The following CLCC1 variants were observed in gnomAD, a reference collection of about 807,000 sequenced individuals.
CLCC1 encodes chloride channel CLIC like 1.
A neutral mutation model predicts 63.3 loss-of-function variants in CLCC1; 39 were observed. The observed-to-expected ratio is 0.62, with a 90% confidence interval of 0.48 to 0.81. CLCC1 has a LOEUF of 0.81. Among genes scored for constraint, CLCC1 ranks in the 30% least tolerant of loss-of-function variants. The pLI is 0.00. For missense variants in CLCC1, 549 were observed against 669.4 expected, an observed-to-expected ratio of 0.82 and a Z score of 1.98; for synonymous variants, 217 against 239.8, an observed-to-expected ratio of 0.90 and a Z score of 0.88.
intron 4 of CLCC1, among the ~76,000 whole-genome samples, chr1:108,948,535 G>A (rs565133110): frequency 6.6e-6 from 1 of 152,094 alleles, no homozygotes; most frequent in East Asian, 1.9e-4. Flanking sequence ...GCAGCACACA[G>A]ACTTAAGAAG....
chr1:108,947,644 A>G lies in CLCC1; in HGVS notation c.306T>C (p.Asn102=), dbSNP rs769306026. Residue 102 remains asparagine (N), a synonymous_variant, in exon 5 of 13, where the codon AAT becomes AAC. Coordinates refer to ENST00000369969, the MANE Select transcript of CLCC1 (RefSeq NM_001377458.1). ...QSNPVFRRYL[N]KILIEAGKLG... ...GCTTTCCAGCTTCAATTAAAATCTT[A>G]TTTAAGTATCTCCTAAAAACAGGAT... The G allele has an allele frequency of 3.1e-6, 5 of 1,611,862 alleles. No homozygotes were observed. The Admixed American group carries it at 8.4e-5, about 27-fold the overall frequency.
At position 108,934,840 on chromosome 1, in the gene CLCC1, G is replaced by T; in HGVS notation, c.1486C>A (p.Pro496Thr). The change falls in exon 12 of 13, where the codon CCT becomes ACT. Residue 496 changes from proline (P) to threonine (T), a missense_variant. Pro to Thr is a conservative substitution (Grantham distance 38). Transcript: ENST00000369969. ...SSTESSQSAK[P>T]VSGQDTSGNT... ...CCTGATGTGTCTTGGCCAGAGACAG[G>T]CTTGGCCGACTGGCTGCTTTCAGTA... 6.2e-7 allele frequency: 1 copy of T among 1,614,214 alleles called. No homozygotes were observed. Among genetic ancestry groups the T allele is most frequent in the Non-Finnish European group, 8.5e-7 (1 of 1,180,038 alleles).
chr1:108,960,091 G>A (rs1465670651), intron 2 of CLCC1, among the ~76,000 whole-genome samples: 6 of 152,042 alleles, frequency 3.9e-5, no homozygotes, highest in African/African-American at 7.2e-5. Flanking sequence ...CCGAGATCAC[G>A]CCACTGCTCT....
chr1:108,937,014 T>C (rs1653118885), intron 11 of CLCC1, 63 bp downstream of exon 11: 1 of 1,200,416 alleles, frequency 8.3e-7, no homozygotes, highest in African/African-American at 1.5e-5. Flanking sequence ...CAATCAGACC[T>C]CTTCCAGAAG....
Position 108,955,489 on chromosome 1 carries a change from T to C in CLCC1, c.-11-5041A>G, listed in dbSNP as rs78571357. 5.6e-3 allele frequency among the ~76,000 whole-genome samples: 843 copies of C among 151,560 alleles called. 60 individuals are homozygous for C. The highest frequency in any genetic ancestry group is 0.019 in the African/African-American group (792 of 40,836). ...TTTGGTTGAAGTGGGGCTATGATGG[T>C]TCTAGGCCTAGCCTTCAAGAGGGTC... On this transcript the variant is annotated intron_variant, in intron 2 of 12. Coordinates refer to ENST00000369969, the MANE Select transcript of CLCC1 (RefSeq NM_001377458.1).
At chr1:108,935,872 G>A (rs1413456152) in intron 11 of CLCC1, among the ~76,000 whole-genome samples, 3 of 152,148 alleles carry the variant, frequency 2.0e-5, no homozygotes, top group African/African-American at 7.2e-5. Context: ...TCAAGGAACA[G>A]TCAGGAGCCC....
At chr1:108,936,603 TA>T (rs1653046950) in intron 11 of CLCC1, among the ~76,000 whole-genome samples, 1 of 152,212 alleles carries the variant, frequency 6.6e-6, no homozygotes, top group Non-Finnish European at 1.5e-5. Flanking sequence ...AACTTCTTCT[TA>T]CCATTCTACA....
Position 108,931,279 on chromosome 1 carries a change from T to C in CLCC1, c.*1268A>G. ...GAAAGAAAGATGTCAGCTAGAACCT[T>C]AGTTGTCATTAAGCTTTGTCTTCCT... On this transcript the variant is annotated 3_prime_UTR_variant, in exon 13 of 13. Transcript: ENST00000369969. The C allele has an allele frequency of 6.6e-7, 1 of 1,508,872 alleles. No individual in the cohort carries two copies. The highest frequency in any genetic ancestry group is 1.4e-5 in the African/African-American group (1 of 71,474). 93.5% of individuals were successfully genotyped at this position (1,508,872 alleles called of 1,614,324 possible). A position where few individuals can be genotyped will look rare whatever the true frequency, so the allele number is the denominator to read the frequency against.
intron 5 of CLCC1, among the ~76,000 whole-genome samples, chr1:108,946,210 T>C (rs772618811): frequency 1.3e-4 from 20 of 151,102 alleles, no homozygotes; most frequent in Non-Finnish European, 2.8e-4. Flanking sequence ...CTCAGGAGGC[T>C]GAGGCAGGAG....
chr1:108,952,441 G>A (rs1448455211), intron 2 of CLCC1, among the ~76,000 whole-genome samples: 2 of 151,930 alleles, frequency 1.3e-5, no homozygotes, highest in South Asian at 2.1e-4. Context: ...AAAGTACTGG[G>A]ATTATAGGCA....
rs1654985758 is a variant in CLCC1 at position 108,949,941 on chromosome 1, C to T, written c.130-20G>A. 2 of 1,408,820 alleles carry T rather than the reference C, an allele frequency of 1.4e-6. No homozygotes were observed. The highest frequency in any genetic ancestry group is 2.0e-5 in the Admixed American group (1 of 50,026). The allele number at this position is 1,408,820 out of a possible 1,614,324, so 87.3% of individuals were successfully genotyped here. ...TTTTGCCTAAAACAGAGTATAGAAA[C>T]ATTTTATTTCTTTATAGTTTAGTTA... On this transcript the variant is annotated intron_variant, in intron 3 of 12. Transcript: ENST00000369969.
intron 8 of CLCC1, 43 bp from the exon 9 acceptor site, chr1:108,940,185 G>A (rs764253228): frequency 1.5e-6 from 2 of 1,350,334 alleles, no homozygotes; most frequent in Admixed American, 3.7e-5. Context: ...TTCTTTTAAT[G>A]TTGCATTTCA....
At chr1:108,946,091 A>AGG (rs1654496600) in intron 5 of CLCC1, among the ~76,000 whole-genome samples, 1 of 152,130 alleles carries the variant, frequency 6.6e-6, no homozygotes, top group Non-Finnish European at 1.5e-5. Context: ...CAGGCGGATC[A>AGG]CGAGGTCAGG....
intron 4 of CLCC1, among the ~76,000 whole-genome samples, chr1:108,948,452 A>AT (rs1654813733): frequency 1.3e-5 from 2 of 152,288 alleles, no homozygotes; most frequent in South Asian, 4.1e-4. Context: ...ATCAACTTGC[A>AT]TTTTTTAACG....
chr1:108,943,932 T>C lies in CLCC1; in HGVS notation c.465A>G (p.Leu155=), dbSNP rs1402135134. ...ACTTAAAATTAATTAAAATATCACT[T>C]AGTGCATCATCCAAGGCACCTGGTT... ...DWKPGALDDA[L]SDILINFKFH... is the part of the protein sequence containing the mutation. Residue 155 remains leucine, a synonymous_variant, in exon 6 of 13, where the codon CTA becomes CTG. Coordinates refer to ENST00000369969, the MANE Select transcript of CLCC1 (RefSeq NM_001377458.1). 5.0e-6 allele frequency: 8 copies of C among 1,612,694 alleles called. No individual in the cohort carries two copies. Among genetic ancestry groups the C allele is most frequent in the Non-Finnish European group, 6.8e-6 (8 of 1,178,810 alleles).
At position 108,936,085 on chromosome 1, in the gene CLCC1, GTTTTTTT is replaced by G. The variant is rs530980387; in HGVS notation, c.1383+985_1383+991del. Reference sequence around the variant, plus strand: ...AAAGCTGGAAGGACCATCTTAAGTTGTTTTTTTTTTTTTTTTTTTTTTTTTGAGACGA... The same window carrying G: ...AAAGCTGGAAGGACCATCTTAAGTTGTTTTTTTTTTTTTTTTTTGAGACGA... On this transcript the variant is annotated intron_variant, in intron 11 of 12. Transcript: ENST00000369969. 1.7e-4 allele frequency among the ~76,000 whole-genome samples: 15 copies of G among 88,118 alleles called. No homozygotes were observed. In the South Asian group the frequency reaches 4.0e-3, roughly 24 times the overall value. The allele number at this position is 88,118 out of a possible 152,430, so 57.8% of individuals were successfully genotyped here. A position where few individuals can be genotyped will look rare whatever the true frequency, so the allele number is the denominator to read the frequency against.
chr1:108,963,358 C>T lies in CLCC1; in HGVS notation c.-173+3G>A, dbSNP rs977919371. 1 of 702,342 alleles carries T rather than the reference C, an allele frequency of 1.4e-6. No individual in the cohort carries two copies. The highest frequency in any genetic ancestry group is 1.7e-5 in the African/African-American group (1 of 57,396). The allele number at this position is 702,342 out of a possible 1,614,324, so 43.5% of individuals were successfully genotyped here. On this transcript the variant is annotated splice_donor_region_variant and intron_variant, in intron 1 of 12. Coordinates refer to ENST00000369969, the MANE Select transcript of CLCC1 (RefSeq NM_001377458.1). ...CACAACACACCCAACTGCACGGACTCACGTCCGGGATCCCCTGCCTGCCTC... is the reference window on the plus strand; with the variant it reads ...CACAACACACCCAACTGCACGGACTTACGTCCGGGATCCCCTGCCTGCCTC...
At chr1:108,962,705 C>T (rs1223403736) in intron 1 of CLCC1, among the ~76,000 whole-genome samples, 6 of 152,086 alleles carry the variant, frequency 3.9e-5, no homozygotes, top group Non-Finnish European at 8.8e-5. Flanking sequence ...CCCTTCTCTA[C>T]AAATAAAATT....
chr1:108,962,605 A>C (rs1215461336), intron 1 of CLCC1, 136 bp from the exon 2 acceptor site: 1 of 152,310 alleles, frequency 6.6e-6, no homozygotes, highest in Non-Finnish European at 1.5e-5. Context: ...GCAATGGCTC[A>C]CGCTTGTAAT....
Sources: allele counts gnomAD v4.1 joint callset (sites outside exome capture counted in the v4.1 genomes callset), GRCh38; gene constraint gnomAD v4.1.1; transcripts MANE v1.5; gene names NCBI Gene and HGNC (gene_info 2026-07-23, HGNC 2026-07-21).